TIAM2: variants seen among roughly 807,000 people sequenced by gnomAD.
The protein encoded by TIAM2 is rho guanine nucleotide exchange factor TIAM2.
Under a neutral mutation model 152.9 loss-of-function variants are expected in TIAM2, and 80 were observed. That is an observed-to-expected ratio of 0.52 (90% CI 0.44 to 0.63). The LOEUF is 0.63. TIAM2 is among the 30% of genes least tolerant of loss of function. The probability of loss-of-function intolerance (pLI) is 0.00; values close to 1 mark genes in which losing one functional copy is unlikely to be tolerated. For missense variants in TIAM2, 1,965 were observed against 2,120.1 expected, an observed-to-expected ratio of 0.93 and a Z score of 1.44; for synonymous variants, 804 against 838.0, an observed-to-expected ratio of 0.96 and a Z score of 0.70.
intron 1 of TIAM2, among the ~76,000 whole-genome samples, chr6:155,087,052 A>G (rs1311782682): frequency 6.6e-6 from 1 of 152,140 alleles, no homozygotes; most frequent in Non-Finnish European, 1.5e-5. Flanking sequence ...GAGGTGAAGG[A>G]GGGAGCAATA....
intron 14 of TIAM2, among the ~76,000 whole-genome samples, chr6:155,190,818 C>T (rs1385634880): frequency 6.6e-6 from 1 of 150,882 alleles, no homozygotes; most frequent in Admixed American, 6.6e-5. Context: ...GGAAACTTTA[C>T]AGCCTGTTAC....
chr6:155,114,036 A>ATATATATATATATATATTTTTTTTT, intron 2 of TIAM2, among the ~76,000 whole-genome samples: 2 of 34,906 alleles, frequency 5.7e-5, no homozygotes, highest in Non-Finnish European at 1.0e-4. Flanking sequence ...ATATATATAT[A>ATATATATATATATATATTTTTTTTT]TTTTTTTTTT....
At chr6:155,093,437 G>A (rs1271250369) in intron 2 of TIAM2, among the ~76,000 whole-genome samples, 3 of 152,204 alleles carry the variant, frequency 2.0e-5, no homozygotes, top group Non-Finnish European at 4.4e-5. Context: ...AGTGGGCTTA[G>A]CTTAGCAAGT....
intron 1 of TIAM2, among the ~76,000 whole-genome samples, chr6:155,056,553 C>G (rs575585696): frequency 1.2e-4 from 19 of 152,080 alleles, no homozygotes; most frequent in Non-Finnish European, 2.4e-4. Context: ...GAGTCTTGCT[C>G]TTTTGCAGTT....
At chr6:155,050,739 G>A (rs1208510760) in intron 1 of TIAM2, among the ~76,000 whole-genome samples, 1 of 152,186 alleles carries the variant, frequency 6.6e-6, no homozygotes, top group Non-Finnish European at 1.5e-5. Context: ...GTGAGTGTCC[G>A]TGGGTAAGCC....
intron 2 of TIAM2, among the ~76,000 whole-genome samples, chr6:155,124,052 G>A (rs949159324): frequency 3.3e-5 from 5 of 151,962 alleles, no homozygotes; most frequent in Admixed American, 6.6e-5. Context: ...GTCTTGCTGC[G>A]TCTGTCACCC....
intron 9 of TIAM2, among the ~76,000 whole-genome samples, chr6:155,169,247 G>C (rs555074417): frequency 2.6e-5 from 4 of 151,978 alleles, no homozygotes; most frequent in Admixed American, 1.3e-4. Context: ...CACCCACCTC[G>C]GCCTCCCAAA....
chr6:155,130,454 A>G, intron 4 of TIAM2, 37 bp downstream of exon 4: 2 of 1,569,810 alleles, frequency 1.3e-6, no homozygotes, highest in Non-Finnish European at 1.7e-6. Context: ...GGGTCCCCAC[A>G]GTTTCCCCAC....
At chr6:155,069,420 C>T (rs117968705) in intron 1 of TIAM2, among the ~76,000 whole-genome samples, 1,723 of 151,572 alleles carry the variant, frequency 0.011, 21 homozygotes, top group Non-Finnish European at 0.014. Flanking sequence ...AGTAGATTTT[C>T]CATTGTTTGA....
intron 14 of TIAM2, among the ~76,000 whole-genome samples, chr6:155,183,751 T>G (rs1377502312): frequency 6.6e-6 from 1 of 152,152 alleles, no homozygotes; most frequent in Non-Finnish European, 1.5e-5. Flanking sequence ...AATCATGGAC[T>G]CTTTAAAAAT....
chr6:155,178,194 A>G (rs1235820876), intron 10 of TIAM2, among the ~76,000 whole-genome samples: 2 of 142,412 alleles, frequency 1.4e-5, no homozygotes, highest in Non-Finnish European at 3.1e-5. Context: ...AAAAAGATGT[A>G]GTGGGTCAAT....
intron 15 of TIAM2, among the ~76,000 whole-genome samples, chr6:155,227,483 G>A (rs1306288507): frequency 2.6e-5 from 4 of 152,126 alleles, no homozygotes; most frequent in East Asian, 1.9e-4. Flanking sequence ...ACTGTACCAC[G>A]GATCGCGCCC....
chr6:155,028,962 ATGTAC>A (rs1776717866), intron 1 of TIAM2, among the ~76,000 whole-genome samples: 4 of 104,718 alleles, frequency 3.8e-5, no homozygotes, highest in African/African-American at 1.3e-4. Context: ...TATACACTGT[ATGTAC>A]TATATATACT....
At chr6:155,015,470 T>A (rs1778557189) in intron 1 of TIAM2, among the ~76,000 whole-genome samples, 1 of 151,752 alleles carries the variant, frequency 6.6e-6, no homozygotes, top group Non-Finnish European at 1.5e-5. Flanking sequence ...AATAATGAAA[T>A]TGTCAAAGAA....
rs1571767 is a variant in TIAM2, at chr6:155,256,731, T to A, written c.4716T>A (p.Asp1572Glu). The A allele has an allele frequency of 2.6e-3, 4,159 of 1,614,194 alleles. 129 individuals are homozygous for A. In the East Asian group the frequency reaches 0.067, roughly 26 times the overall value. The stretch of plus-strand genomic sequence containing the variant: ...AGAGTGACATCCTGAGCGATGAAGA[T>A]GATGACCACCGTCAGACTGTGAAGC... ...IKESDILSDE[D>E]DDHRQTVKQG... is the part of the protein sequence containing the mutation. The change falls in exon 27 of 27, where the codon GAT becomes GAA. Residue 1572 changes from aspartate (D) to glutamate (E), a missense_variant. Asp to Glu is a conservative substitution (Grantham distance 45). Coordinates refer to ENST00000682666, the MANE Select transcript of TIAM2 (RefSeq NM_012454.4).
chr6:155,126,469 C>T (rs1374847761), intron 2 of TIAM2, among the ~76,000 whole-genome samples: 7 of 152,306 alleles, frequency 4.6e-5, no homozygotes, highest in Admixed American at 1.3e-4. Context: ...CGGTGGCTCA[C>T]GCCTGTAATC....
chr6:155,021,214 C>T (rs1213361207), intron 1 of TIAM2, among the ~76,000 whole-genome samples: 2 of 152,268 alleles, frequency 1.3e-5, no homozygotes, highest in African/African-American at 4.8e-5. Context: ...CTCTTCAAGA[C>T]CCTGCTTTCA....
intron 2 of TIAM2, among the ~76,000 whole-genome samples, chr6:155,098,583 T>C (rs964175443): frequency 6.6e-6 from 1 of 152,222 alleles, no homozygotes; most frequent in African/African-American, 2.4e-5. Flanking sequence ...TGGTGGAGTC[T>C]AGATTTTTCT....
In TIAM2 at chr6:155,243,842, G is replaced by A. The variant is rs113007377; in HGVS notation, c.3349-169G>A. Among the ~76,000 whole-genome samples, 461 of 61,034 alleles carry A rather than the reference G, an allele frequency of 7.6e-3. 4 individuals carry two copies. The highest frequency in any genetic ancestry group is 0.032 in the African/African-American group (381 of 11,914). The allele number at this position is 61,034 out of a possible 152,430, so 40.0% of individuals were successfully genotyped here. A position where few individuals can be genotyped will look rare whatever the true frequency, so the allele number is the denominator to read the frequency against. ...AGCCTGGGTGACAGAGCAAGACTCC[G>A]TCTCAAAAAAAAAAAAAAAAAAAAA... On this transcript the variant is annotated intron_variant, in intron 16 of 26. Transcript: ENST00000682666.
Sources: allele counts gnomAD v4.1 joint callset (sites outside exome capture counted in the v4.1 genomes callset), GRCh38; gene constraint gnomAD v4.1.1; transcripts MANE v1.5; gene names NCBI Gene and HGNC (gene_info 2026-07-23, HGNC 2026-07-21).